DNAAF5: variants seen among roughly 807,000 people sequenced by gnomAD.
DNAAF5 encodes the protein HEAT repeat containing 2.
A neutral mutation model predicts 75.8 loss-of-function variants in DNAAF5; 64 were observed. That is an observed-to-expected ratio of 0.84 (90% CI 0.69 to 1.04). The LOEUF (loss-of-function observed/expected upper bound fraction) is 1.04, where lower values mean the gene tolerates loss of function less well. Ranked by LOEUF, DNAAF5 falls within the 50% of genes least tolerant of loss-of-function variation. The pLI is 0.00. For synonymous variants in DNAAF5, 657 were observed against 557.2 expected (o/e 1.18, Z -2.52); for missense variants, 1,269 against 1,178.5 (o/e 1.08, Z -1.12).
chr7:780,131 G>A lies in DNAAF5; in HGVS notation c.2418G>A (p.Gln806=). Residue 806 remains glutamine (Q), a synonymous_variant, in exon 12 of 13, where the codon CAG becomes CAA. Coordinates refer to ENST00000297440, the MANE Select transcript of DNAAF5 (RefSeq NM_017802.4). ...TTGACGATCCAGAGAGGGCCATCCA[G>A]GATGCAATTTTAGGTGAGACTCCGA... ...VHLDDPERAI[Q]DAILEVLKEG... The A allele has an allele frequency of 6.2e-7, 1 of 1,613,848 alleles. No individual in the cohort carries two copies. Among genetic ancestry groups the A allele is most frequent in the Middle Eastern group, 1.7e-4 (1 of 6,058 alleles).
chr7:785,677 C>T lies in DNAAF5; in HGVS notation c.*24C>T. The T allele has an allele frequency of 1.2e-6, 2 of 1,606,936 alleles. No individual in the cohort carries two copies. Among genetic ancestry groups the T allele is most frequent in the Non-Finnish European group, 1.7e-6 (2 of 1,176,322 alleles). On this transcript the variant is annotated 3_prime_UTR_variant, in exon 13 of 13. Coordinates refer to ENST00000297440, the MANE Select transcript of DNAAF5 (RefSeq NM_017802.4). The stretch of plus-strand genomic sequence containing the variant: ...GACCACGCTGGTTTCAGCCACGGCA[C>T]ACCCTTGTCCCCACCTGAGCCAGAG...
chr7:785,823 G>C lies in DNAAF5; in HGVS notation c.*170G>C. ...TCCCTGGAATAACAGCCTCTGAGTG[G>C]ATTCTGCATGTTATGTGATTTGTTC... On this transcript the variant is annotated 3_prime_UTR_variant, in exon 13 of 13. Coordinates refer to ENST00000297440, the MANE Select transcript of DNAAF5 (RefSeq NM_017802.4). The C allele has an allele frequency of 1.5e-6, 1 of 670,210 alleles. No individual in the cohort carries two copies. Among genetic ancestry groups the C allele is most frequent in the South Asian group, 2.0e-5 (1 of 50,014 alleles). The allele number at this position is 670,210 out of a possible 1,614,324, so 41.5% of individuals were successfully genotyped here.
chr7:740,650 C>A (rs542313380), intron 2 of DNAAF5, among the ~76,000 whole-genome samples, 169 bp from the exon 3 acceptor site: 1 of 152,212 alleles, frequency 6.6e-6, no homozygotes, highest in Non-Finnish European at 1.5e-5. Context: ...ACCCCGGCCA[C>A]GCGCCTCTGT....
intron 8 of DNAAF5, among the ~76,000 whole-genome samples, chr7:767,995 G>A (rs934348806): frequency 4.6e-5 from 7 of 150,938 alleles, no homozygotes; most frequent in African/African-American, 1.7e-4. Context: ...AGGTAGACAC[G>A]TGGCCCGGGC....
chr7:754,794 C>T lies in DNAAF5; in HGVS notation c.1230C>T (p.Thr410=), dbSNP rs779072395. ...TCCGGACCCTGTTCCAGGCCTGCAC[C>T]GACGAGGAGGCAGCCGTGGTCCAAA... is the stretch of plus-strand genomic sequence containing the variant. ...VVLRTLFQAC[T]DEEAAVVQSC... Residue 410 remains threonine, a synonymous_variant, in exon 5 of 13, where the codon ACC becomes ACT. Transcript: ENST00000297440. This position sits in a 1 kb window ranked among gnomAD's most constrained non-coding sequence, Gnocchi z 4.8. 17 of 1,607,490 alleles carry T rather than the reference C, an allele frequency of 1.1e-5. No homozygotes were observed. Among genetic ancestry groups the T allele is most frequent in the African/African-American group, 9.4e-5 (7 of 74,812 alleles).
At position 764,477 on chromosome 7, in the gene DNAAF5, C is replaced by T. The variant is rs971671078; in HGVS notation, c.1783+503C>T. 3.9e-5 allele frequency among the ~76,000 whole-genome samples: 6 copies of T among 152,200 alleles called. 1 individual carries two copies. The highest frequency in any genetic ancestry group is 2.0e-4 in the Admixed American group (3 of 15,282). On this transcript the variant is annotated intron_variant, in intron 8 of 12. Coordinates refer to ENST00000297440, the MANE Select transcript of DNAAF5 (RefSeq NM_017802.4). Reference sequence around the variant, plus strand: ...CTGCAGAACCCTAAGGAGACGTCCGCTCAGCAGCCATAGTGCCTTGGGACA... The same window carrying T: ...CTGCAGAACCCTAAGGAGACGTCCGTTCAGCAGCCATAGTGCCTTGGGACA...
intron 9 of DNAAF5, chr7:771,807 C>G (rs1213324233): frequency 1.3e-5 from 2 of 152,270 alleles, no homozygotes; most frequent in Non-Finnish European, 2.9e-5. Flanking sequence ...ACAGTTAACT[C>G]TGCAGAGCAC....
chr7:767,715 A>C (rs981472908), intron 8 of DNAAF5, among the ~76,000 whole-genome samples: 1 of 151,940 alleles, frequency 6.6e-6, no homozygotes, highest in Non-Finnish European at 1.5e-5. Context: ...TCAGGGCGGA[A>C]GTGTCCGTGC....
intron 12 of DNAAF5, among the ~76,000 whole-genome samples, chr7:781,212 T>A (rs1004164687): frequency 1.3e-5 from 2 of 152,214 alleles, no homozygotes; most frequent in African/African-American, 2.4e-5. Context: ...GAGCCATCCT[T>A]CTGCTCTATC....
intron 4 of DNAAF5, among the ~76,000 whole-genome samples, chr7:741,920 C>G (rs1007986181): frequency 1.2e-4 from 19 of 152,320 alleles, no homozygotes; most frequent in African/African-American, 4.3e-4. Context: ...GAGGTGAGGT[C>G]TTCTTCATGG....
At chr7:748,607 C>T (rs1449682715) in intron 4 of DNAAF5, among the ~76,000 whole-genome samples, 1 of 152,150 alleles carries the variant, frequency 6.6e-6, no homozygotes, top group African/African-American at 2.4e-5. Context: ...CTGCCGCCCC[C>T]ATCCCCCCTG....
chr7:747,509 T>C (rs1279812363), intron 4 of DNAAF5, among the ~76,000 whole-genome samples: 1 of 151,658 alleles, frequency 6.6e-6, no homozygotes, highest in Non-Finnish European at 1.5e-5. Flanking sequence ...CGTGTCTGGC[T>C]GGTGTGCAGT....
At position 741,075 on chromosome 7, in the gene DNAAF5, C is replaced by T. The variant is rs1199779455; in HGVS notation, c.905+132C>T. 4.5e-6 allele frequency: 5 copies of T among 1,120,434 alleles called. No homozygotes were observed. The African/African-American group carries it at 6.2e-5, about 14-fold the overall frequency. 69.4% of individuals were successfully genotyped at this position (1,120,434 alleles called of 1,614,324 possible). On this transcript the variant is annotated intron_variant, in intron 3 of 12. Transcript: ENST00000297440. ...TGTCCCTGTGCTCCGAAGGGATGTG[C>T]CGTACAGAAGTCGTCTCGTTTTGTA...
At chr7:775,879 G>A (rs114369779) in intron 11 of DNAAF5, among the ~76,000 whole-genome samples, 1,604 of 151,696 alleles carry the variant, frequency 0.011, 33 homozygotes, top group African/African-American at 0.037. Context: ...AAGGTGTGCC[G>A]GAAGATGTGT....
intron 4 of DNAAF5, among the ~76,000 whole-genome samples, chr7:746,990 G>A (rs769233384): frequency 2.6e-5 from 4 of 152,232 alleles, no homozygotes; most frequent in Non-Finnish European, 5.9e-5. Context: ...CCTTCTTCGC[G>A]TGAGTCACGT....
chr7:783,587 C>T (rs1779049917), intron 12 of DNAAF5, among the ~76,000 whole-genome samples: 1 of 152,182 alleles, frequency 6.6e-6, no homozygotes, highest in African/African-American at 2.4e-5. Flanking sequence ...ACGGCGGGGC[C>T]CGTGGTCTCT....
intron 2 of DNAAF5, among the ~76,000 whole-genome samples, chr7:737,235 A>G (rs900692410): frequency 1.3e-5 from 2 of 152,122 alleles, no homozygotes; most frequent in Non-Finnish European, 2.9e-5. Flanking sequence ...AGCTGGGACT[A>G]CAGGCACCCA....
At chr7:771,362 A>C (rs1345411768) in intron 9 of DNAAF5, 2 of 152,300 alleles carry the variant, frequency 1.3e-5, no homozygotes, top group Non-Finnish European at 2.9e-5. Flanking sequence ...CCTGCCACTT[A>C]CTTTGCTCAG....
intron 8 of DNAAF5, among the ~76,000 whole-genome samples, chr7:769,857 TCTCGAACTCCCGAC>T: frequency 6.6e-6 from 1 of 152,354 alleles, no homozygotes; most frequent in Non-Finnish European, 1.5e-5. Context: ...GTCAGGCTGG[TCTCGAACTCCCGAC>T]CTCAGGTGAC....
Sources: gnomAD v4.1 joint callset for allele counts (sites outside exome capture counted in the v4.1 genomes callset) on GRCh38, gnomAD v4.1.1 for gene constraint, Gnocchi (gnomAD v3.1) non-coding constraint, MANE v1.5 for transcripts, NCBI Gene and HGNC (gene_info 2026-07-23, HGNC 2026-07-21) for gene names.